Variants in VAV1 observed in about 807,000 individuals in gnomAD.
VAV1 encodes proto-oncogene vav.
A neutral mutation model predicts 128.1 loss-of-function variants in VAV1; 33 were observed. The observed-to-expected ratio is 0.26, with a 90% CI of 0.20 to 0.34. VAV1 has a LOEUF of 0.34. Ranked by LOEUF, VAV1 falls within the 10% of genes least tolerant of loss-of-function variation. VAV1 has a pLI of 1.00. For synonymous variants in VAV1, 394 were observed against 409.8 expected, an observed-to-expected ratio of 0.96 and a Z score of 0.47; for missense variants, 715 against 1,093.7, an observed-to-expected ratio of 0.65 and a Z score of 4.88.
At chr19:6,789,541 G>A (rs34426013) in intron 1 of VAV1, among the ~76,000 whole-genome samples, 33,582 of 150,614 alleles carry the variant, frequency 0.22, 3,940 homozygotes, top group African/African-American at 0.31. Flanking sequence ...ATGAGCCACC[G>A]CACCCGGCTC....
chr19:6,803,349 T>G (rs916311651), intron 1 of VAV1, among the ~76,000 whole-genome samples: 8 of 152,186 alleles, frequency 5.3e-5, no homozygotes, highest in South Asian at 2.1e-4. Context: ...GTCGGGTCAT[T>G]GCCTTGGGAA....
chr19:6,820,903 G>C lies in VAV1; in HGVS notation c.321+85G>C. On this transcript the variant is annotated intron_variant, in intron 2 of 26. Transcript: ENST00000602142. The surrounding 1 kb of genome is among the most constrained non-coding windows in gnomAD (Gnocchi z 4.4). ...ACTGGGCAAGCTAAGGACTGTCAGG[G>C]GACAGGCAGACAAGCCAGACCAGGC... 1 of 1,329,408 alleles carries C rather than the reference G, an allele frequency of 7.5e-7. No individual in the cohort carries two copies. Among genetic ancestry groups the C allele is most frequent in the South Asian group, 1.2e-5 (1 of 83,922 alleles). The allele number at this position is 1,329,408 out of a possible 1,614,324, so 82.4% of individuals were successfully genotyped here. A position where few individuals can be genotyped will look rare whatever the true frequency, so the allele number is the denominator to read the frequency against.
intron 1 of VAV1, among the ~76,000 whole-genome samples, chr19:6,798,748 C>T (rs554327135): frequency 2.0e-5 from 3 of 151,670 alleles, no homozygotes; most frequent in Admixed American, 6.6e-5. Context: ...TGGACTCAAG[C>T]GATCCTCCTA....
In VAV1 at chr19:6,833,894, G is replaced by A. The variant is rs1224228283; in HGVS notation, c.1732-14G>A. 3.1e-6 allele frequency: 5 copies of A among 1,613,986 alleles called. No homozygotes were observed. The highest frequency in any genetic ancestry group is 4.2e-6 in the Non-Finnish European group (5 of 1,180,030). On this transcript the variant is annotated splice_polypyrimidine_tract_variant and intron_variant, in intron 18 of 26. Transcript: ENST00000602142. ...GGGCATAGGTAGACAGGCTTTCTTT[G>A]TTTCTCCTTCCAGGACAAACTACAT...
chr19:6,785,187 C>T (rs145219365), intron 1 of VAV1, among the ~76,000 whole-genome samples: 4 of 151,914 alleles, frequency 2.6e-5, no homozygotes, highest in East Asian at 1.9e-4. Context: ...TGTCTTTTTT[C>T]GGAGAAGGGG....
rs764621143 is a variant in VAV1 at position 6,821,628 on chromosome 19, T to C, written c.328T>C (p.Tyr110His). The C allele has an allele frequency of 2.3e-5, 37 of 1,614,030 alleles. No individual in the cohort carries two copies. Among genetic ancestry groups the C allele is most frequent in the Non-Finnish European group, 8.5e-7 (1 of 1,180,010 alleles). Residue 110 changes from tyrosine (Y) to histidine (H), a missense_variant, in exon 3 of 27, where the codon TAC (tyrosine) becomes CAC (histidine). By Grantham distance (83) the Tyr-to-His change is moderately conservative (BLOSUM62 2). Transcript: ENST00000602142. Reference protein sequence around the residue: ...FDVQDFGKVIYTLSALSWTPI... With the variant: ...FDVQDFGKVIHTLSALSWTPI... ...GGCCACTGCCCCGTCACAGGTCATC[T>C]ACACCCTGTCTGCTCTGTCCTGGAC...
At chr19:6,784,357 G>T in intron 1 of VAV1, 1 of 427,984 alleles carries the variant, frequency 2.3e-6, no homozygotes, top group Non-Finnish European at 4.2e-6. Flanking sequence ...GGATGAGGGA[G>T]CTGGGTGATA....
At chr19:6,843,869 C>T (rs558271297) in intron 22 of VAV1, among the ~76,000 whole-genome samples, 88 of 151,796 alleles carry the variant, frequency 5.8e-4, no homozygotes, top group Non-Finnish European at 1.1e-3. Context: ...TTGCGATCCA[C>T]AGTGTCCATC....
rs373535976 is a variant in VAV1 at position 6,821,871 on chromosome 19, G to A, written c.449+12G>A. 25 of 1,613,986 alleles carry A rather than the reference G, an allele frequency of 1.5e-5. No homozygotes were observed. In the African/African-American group the frequency reaches 3.1e-4, roughly 20 times the overall value. ...TCCGACCAGATCGAGTGAGTGCTCAGGCCTGTGGCCGCACAGCTCACTGGA... is the reference window on the plus strand; with the variant it reads ...TCCGACCAGATCGAGTGAGTGCTCAAGCCTGTGGCCGCACAGCTCACTGGA... On this transcript the variant is annotated intron_variant, in intron 4 of 26. Coordinates refer to ENST00000602142, the MANE Select transcript of VAV1 (RefSeq NM_005428.4).
At chr19:6,824,777 A>C (rs1410338299) in intron 6 of VAV1, among the ~76,000 whole-genome samples, 4 of 151,934 alleles carry the variant, frequency 2.6e-5, no homozygotes, top group Admixed American at 6.6e-5. Flanking sequence ...TGATCCACCC[A>C]CCTCAGGCTC....
At chr19:6,829,705 C>T in intron 13 of VAV1, 81 bp from the exon 14 acceptor site, 1 of 1,584,416 alleles carries the variant, frequency 6.3e-7, no homozygotes, top group South Asian at 1.1e-5. Context: ...AGGGTGGGAC[C>T]AGGATGTGGA....
Position 6,833,199 on chromosome 19 carries a change from G to A in VAV1, c.1524G>A (p.Pro508=), listed in dbSNP as rs117509372. The A allele has an allele frequency of 0.01, 16,580 of 1,609,770 alleles. 112 individuals are homozygous for A. The highest frequency in any genetic ancestry group is 0.012 in the Non-Finnish European group (14,369 of 1,178,786). ...QFEMAISNIY[P]ENATANGHDF... Reference sequence around the variant, plus strand: ...CCCCTGCCAGCTCCAACATCTATCCGGAGAATGCCACCGCCAACGGGCATG... The same window carrying A: ...CCCCTGCCAGCTCCAACATCTATCCAGAGAATGCCACCGCCAACGGGCATG... The change falls in exon 16 of 27, where the codon CCG becomes CCA. Residue 508 remains proline, a synonymous_variant. Coordinates refer to ENST00000602142, the MANE Select transcript of VAV1 (RefSeq NM_005428.4).
chr19:6,851,410 G>A (rs1023718141), intron 24 of VAV1, among the ~76,000 whole-genome samples: 4 of 151,956 alleles, frequency 2.6e-5, no homozygotes, highest in Admixed American at 6.6e-5. Flanking sequence ...TTGAACTCCT[G>A]GGCTCAAATA....
At chr19:6,856,998 G>A in intron 26 of VAV1, 56 bp from the exon 27 acceptor site, 1 of 1,541,708 alleles carries the variant, frequency 6.5e-7, no homozygotes, top group Non-Finnish European at 9.0e-7. Flanking sequence ...GGTGTGTGGA[G>A]GGGCAGTAGG....
chr19:6,833,686 C>T (rs1486719363), intron 17 of VAV1, 25 bp from the exon 18 acceptor site: 6 of 1,614,150 alleles, frequency 3.7e-6, no homozygotes, highest in Non-Finnish European at 5.1e-6. Flanking sequence ...TTCCCGTTCT[C>T]ACCATTTCCT....
chr19:6,810,767 G>C (rs2144748486), intron 1 of VAV1, among the ~76,000 whole-genome samples: 1 of 152,112 alleles, frequency 6.6e-6, no homozygotes, highest in East Asian at 1.9e-4. Context: ...AATCATCTTG[G>C]GTTCCTAAGA....
intron 14 of VAV1, 42 bp downstream of exon 14, chr19:6,829,960 C>A (rs764604340): frequency 1.2e-6 from 2 of 1,612,682 alleles, no homozygotes; most frequent in Admixed American, 1.7e-5. Flanking sequence ...TCCACGCAGT[C>A]GGCAGCTTAG....
intron 1 of VAV1, among the ~76,000 whole-genome samples, chr19:6,797,185 T>G (rs956103024): frequency 1.3e-5 from 2 of 148,430 alleles, no homozygotes; most frequent in African/African-American, 5.0e-5. Context: ...TGAGCCGAGA[T>G]TGCAGCACTG....
At position 6,830,858 on chromosome 19, in the gene VAV1, T is replaced by A. The variant is rs188238535; in HGVS notation, c.1398+940T>A. 4.0e-5 allele frequency among the ~76,000 whole-genome samples: 6 copies of A among 151,850 alleles called. No homozygotes were observed. The East Asian group carries it at 1.2e-3, about 30-fold the overall frequency. On this transcript the variant is annotated intron_variant, in intron 14 of 26. Coordinates refer to ENST00000602142, the MANE Select transcript of VAV1 (RefSeq NM_005428.4). Reference sequence around the variant, plus strand: ...ATCCCAGTACTTTGGGAGGCCGAGGTGGGAGAATTGCTTGAGCCCAGGAGT... The same window carrying A: ...ATCCCAGTACTTTGGGAGGCCGAGGAGGGAGAATTGCTTGAGCCCAGGAGT...
Sources: allele counts gnomAD v4.1 joint callset (sites outside exome capture counted in the v4.1 genomes callset), GRCh38; gene constraint gnomAD v4.1.1; non-coding constraint Gnocchi (gnomAD v3.1); transcripts MANE v1.5; gene names NCBI Gene and HGNC (gene_info 2026-07-23, HGNC 2026-07-21).